Variants in SDK2 observed in about 807,000 individuals in gnomAD.
SDK2 encodes the protein protein sidekick-2.
A neutral mutation model predicts 253.9 loss-of-function variants in SDK2; 105 were observed. The ratio of observed to expected loss-of-function variants is 0.41; its 90% confidence interval spans 0.35 to 0.49. The LOEUF is 0.49. Ranked by LOEUF, SDK2 falls within the 20% of genes least tolerant of loss-of-function variation. The pLI, the probability that SDK2 is intolerant of heterozygous loss-of-function variation, is 0.06. For missense variants in SDK2, 2,608 were observed against 3,003.0 expected, an observed-to-expected ratio of 0.87 and a Z score of 3.07; for synonymous variants, 1,249 against 1,234.9, an observed-to-expected ratio of 1.01 and a Z score of -0.24.
intron 12 of SDK2, among the ~76,000 whole-genome samples, chr17:73,427,343 C>T (rs994528007): frequency 6.6e-6 from 1 of 152,180 alleles, no homozygotes; most frequent in African/African-American, 2.4e-5. Flanking sequence ...CTATGGCCTG[C>T]TGCCTGTCTG....
At position 73,447,751 on chromosome 17, in the gene SDK2, G is replaced by A; in HGVS notation, c.480-3C>T. ...GGGTGTTCTCCAGCGTGATGGCTCTGGGAAGAGGAAAAGGATTCCTCTGAC... is the reference window on the plus strand; with the variant it reads ...GGGTGTTCTCCAGCGTGATGGCTCTAGGAAGAGGAAAAGGATTCCTCTGAC... On this transcript the variant is annotated splice_polypyrimidine_tract_variant and splice_region_variant and intron_variant, in intron 4 of 44. Transcript: ENST00000392650. This position sits in a 1 kb window ranked among gnomAD's most constrained non-coding sequence, Gnocchi z 4.0. The A allele has an allele frequency of 6.4e-7, 1 of 1,551,626 alleles. No individual in the cohort carries two copies. Among genetic ancestry groups the A allele is most frequent in the Non-Finnish European group, 8.7e-7 (1 of 1,146,972 alleles).
At chr17:73,552,731 T>C (rs951730096) in intron 1 of SDK2, among the ~76,000 whole-genome samples, 1 of 152,208 alleles carries the variant, frequency 6.6e-6, no homozygotes, top group African/African-American at 2.4e-5. Context: ...ACGGTGCTAC[T>C]ACCCTGCCAA....
At chr17:73,615,636 G>A (rs371043463) in intron 1 of SDK2, among the ~76,000 whole-genome samples, 7 of 152,202 alleles carry the variant, frequency 4.6e-5, no homozygotes, top group African/African-American at 7.2e-5. Flanking sequence ...TGGTGGTTGC[G>A]GTGGAAGTTG....
Position 73,335,590 on chromosome 17 carries a change from G to A in SDK2, c.*2997C>T, listed in dbSNP as rs1001289949. ...TCTAGAGTTCCACAGCTGCAGGCCT[G>A]GGCTTCCAGCTGTGGCTGGGGCTGT... On this transcript the variant is annotated 3_prime_UTR_variant, in exon 45 of 45. Transcript: ENST00000392650. 4.6e-5 allele frequency: 7 copies of A among 152,268 alleles called. No homozygotes were observed. Among genetic ancestry groups the A allele is most frequent in the African/African-American group, 1.7e-4 (7 of 41,434 alleles). 9.4% of individuals were successfully genotyped at this position (152,268 alleles called of 1,614,324 possible).
At chr17:73,414,171 C>A (rs2063161449) in intron 18 of SDK2, among the ~76,000 whole-genome samples, 1 of 151,952 alleles carries the variant, frequency 6.6e-6, no homozygotes, top group South Asian at 2.1e-4. Context: ...CCTCAGCCTC[C>A]CGAGTAGCTG....
At chr17:73,635,945 CA>C (rs1314077848) in intron 1 of SDK2, among the ~76,000 whole-genome samples, 10 of 152,062 alleles carry the variant, frequency 6.6e-5, no homozygotes, top group Non-Finnish European at 8.8e-5. Flanking sequence ...AGGCAAGAGC[CA>C]GGAGGAGCAG....
chr17:73,431,144 G>A lies in SDK2; in HGVS notation c.1480+358C>T, dbSNP rs2063322764. Reference sequence around the variant, plus strand: ...TCTAGATAAAACGGAAGCTAGTTGAGTCGTTGTGACAGAGACCGTCTGGCC... The same window carrying A: ...TCTAGATAAAACGGAAGCTAGTTGAATCGTTGTGACAGAGACCGTCTGGCC... On this transcript the variant is annotated intron_variant, in intron 11 of 44. Coordinates refer to ENST00000392650, the MANE Select transcript of SDK2 (RefSeq NM_001144952.2). This position sits in a 1 kb window ranked among gnomAD's most constrained non-coding sequence, Gnocchi z 5.6. Among the ~76,000 whole-genome samples, 1 of 152,226 alleles carries A rather than the reference G, an allele frequency of 6.6e-6. No homozygotes were observed. The highest frequency in any genetic ancestry group is 2.1e-4 in the South Asian group (1 of 4,834).
intron 1 of SDK2, among the ~76,000 whole-genome samples, chr17:73,556,062 G>A (rs1204744521): frequency 6.6e-6 from 1 of 152,134 alleles, no homozygotes; most frequent in Non-Finnish European, 1.5e-5. Context: ...TGGGGCTTGG[G>A]CTTGGGGTGG....
intron 1 of SDK2, among the ~76,000 whole-genome samples, chr17:73,544,977 C>T (rs571321404): frequency 6.9e-6 from 1 of 143,966 alleles, no homozygotes; most frequent in South Asian, 2.1e-4. Flanking sequence ...ACCCCCTTGT[C>T]AAGGCTCTTT....
At chr17:73,585,581 T>C (rs1187271401) in intron 1 of SDK2, among the ~76,000 whole-genome samples, 1 of 152,192 alleles carries the variant, frequency 6.6e-6, no homozygotes, top group Non-Finnish European at 1.5e-5. Context: ...CCCATCTCCA[T>C]GGCCAGGCGG....
intron 3 of SDK2, among the ~76,000 whole-genome samples, chr17:73,466,328 T>A (rs1423777713): frequency 1.3e-5 from 2 of 152,164 alleles, no homozygotes; most frequent in Non-Finnish European, 2.9e-5. Context: ...ATGGTTTGTG[T>A]GCGTTGATAC....
At chr17:73,599,352 C>G (rs571202920) in intron 1 of SDK2, among the ~76,000 whole-genome samples, 1 of 151,968 alleles carries the variant, frequency 6.6e-6, no homozygotes, top group Admixed American at 6.6e-5. Flanking sequence ...GCCAACATGG[C>G]GAAACCCCAT....
At chr17:73,354,840 G>A (rs2062572441) in intron 40 of SDK2, among the ~76,000 whole-genome samples, 1 of 152,114 alleles carries the variant, frequency 6.6e-6, no homozygotes, top group South Asian at 2.1e-4. Flanking sequence ...CGCCAGAGGT[G>A]TGCCCAGTTC....
rs780439807 is a variant in SDK2 at position 73,423,938 on chromosome 17, G to A, written c.1738C>T (p.Arg580Cys). 12 of 1,592,274 alleles carry A rather than the reference G, an allele frequency of 7.5e-6. No homozygotes were observed. The highest frequency in any genetic ancestry group is 2.3e-5 in the East Asian group (1 of 43,692). The change falls in exon 13 of 45, where the codon CGC becomes TGC. Residue 580 changes from arginine to cysteine, a missense_variant. Arg to Cys is a radical substitution (Grantham distance 180). Around this residue, in one of 2 missense-constraint regions of SDK2, gnomAD observed 1,505 missense variants for 1,859.1 expected, o/e 0.81. Coordinates refer to ENST00000392650, the MANE Select transcript of SDK2 (RefSeq NM_001144952.2). ...TACCTGACTCGCAGGTGGGCACTGC[G>A]AGAGTCGTTGCCTCCTGCTGAGATC... ...RVISAGGNDS[R>C]SAHLRVRQLP...
intron 38 of SDK2, among the ~76,000 whole-genome samples, chr17:73,363,290 C>T (rs2062656853): frequency 6.6e-6 from 1 of 152,180 alleles, no homozygotes; most frequent in Admixed American, 6.5e-5. Context: ...AGGCTGGTCT[C>T]GAACTCCTGA....
At chr17:73,356,979 C>T (rs1304317547) in intron 40 of SDK2, among the ~76,000 whole-genome samples, 4 of 152,210 alleles carry the variant, frequency 2.6e-5, no homozygotes, top group Admixed American at 2.6e-4. Flanking sequence ...CAGGTGCAGG[C>T]CCTGGTTGGG....
At chr17:73,603,335 G>A (rs775800769) in intron 1 of SDK2, among the ~76,000 whole-genome samples, 7 of 152,186 alleles carry the variant, frequency 4.6e-5, no homozygotes, top group South Asian at 2.1e-4. Context: ...GGCCCCCTGC[G>A]CTAGAGAGAG....
rs750565580 is a variant in SDK2, at chr17:73,348,613, T to A, written c.6151A>T (p.Ile2051Phe). The A allele has an allele frequency of 3.3e-5, 53 of 1,612,644 alleles. No homozygotes were observed. The highest frequency in any genetic ancestry group is 4.4e-5 in the Non-Finnish European group (52 of 1,179,634). ...SSSLTEKPSE[I>F]SDSQGSDSEY... ...CCTGCCCTCACCTGAGAGTCGGAGA[T>A]TTCTGAGGGCTTCTCCGTCAGGCTG... The change falls in exon 44 of 45, where the codon ATC becomes TTC. Residue 2051 changes from isoleucine to phenylalanine, a missense_variant. Physicochemically the swap from Ile to Phe is conservative, Grantham distance 21. Coordinates refer to ENST00000392650, the MANE Select transcript of SDK2 (RefSeq NM_001144952.2).
Position 73,335,181 on chromosome 17 carries a change from C to G in SDK2, c.*3406G>C, listed in dbSNP as rs1477849077. 1.3e-5 allele frequency: 2 copies of G among 152,756 alleles called. No homozygotes were observed. The highest frequency in any genetic ancestry group is 4.8e-5 in the African/African-American group (2 of 41,558). The allele number at this position is 152,756 out of a possible 1,614,324, so 9.5% of individuals were successfully genotyped here. On this transcript the variant is annotated 3_prime_UTR_variant, in exon 45 of 45. Coordinates refer to ENST00000392650, the MANE Select transcript of SDK2 (RefSeq NM_001144952.2). ...CTAGGAGGATGGTGGTTCTGGAGCC[C>G]AGAGCATCTTTTTGGTTTGTCTTGG...
Sources: allele counts gnomAD v4.1 joint callset (sites outside exome capture counted in the v4.1 genomes callset), GRCh38; gene constraint gnomAD v4.1.1; regional missense constraint gnomAD v4.1.1; non-coding constraint Gnocchi (gnomAD v3.1); transcripts MANE v1.5; gene names NCBI Gene and HGNC (gene_info 2026-07-23, HGNC 2026-07-21).